The following ANO4 variants were observed in gnomAD, a reference collection of about 807,000 sequenced individuals.
The protein encoded by ANO4 is anoctamin-4.
In ANO4, 69 loss-of-function variants were observed where a neutral mutation model predicts 141.9. The ratio of observed to expected loss-of-function variants is 0.49; its 90% confidence interval spans 0.40 to 0.59. The LOEUF (loss-of-function observed/expected upper bound fraction) is 0.59. Ranked by LOEUF, ANO4 falls within the 20% of genes least tolerant of loss-of-function variation. The pLI, the probability that ANO4 is intolerant of heterozygous loss-of-function variation, is 0.00. For missense variants in ANO4, 894 were observed against 1,162.2 expected, an observed-to-expected ratio of 0.77 and a Z score of 3.36; for synonymous variants, 350 against 394.3, an observed-to-expected ratio of 0.89 and a Z score of 1.33.
Position 101,031,919 on chromosome 12 carries a change from A to G in ANO4, c.842-5176A>G, listed in dbSNP as rs568831583. On this transcript the variant is annotated intron_variant, in intron 9 of 27. Transcript: ENST00000392977. ...CAAGGATAACTACAAACCACTGCTC[A>G]AGGAAATCAGAGAGGACACAAACAA... Among the ~76,000 whole-genome samples, 40 of 152,346 alleles carry G rather than the reference A, an allele frequency of 2.6e-4. No homozygotes were observed. The East Asian group carries it at 6.2e-3, about 23-fold the overall frequency.
At chr12:100,802,325 A>C (rs527646455) in intron 1 of ANO4, among the ~76,000 whole-genome samples, 1 of 152,316 alleles carries the variant, frequency 6.6e-6, no homozygotes, top group South Asian at 2.1e-4. Flanking sequence ...GGCTTGGAAA[A>C]TTCTGTCTGT....
chr12:100,764,129 C>T (rs1485594720), intron 3 of ANO4, among the ~76,000 whole-genome samples: 1 of 152,194 alleles, frequency 6.6e-6, no homozygotes. Flanking sequence ...TGAATATCTT[C>T]TGCTATTGTC....
In ANO4 at chr12:101,116,713, G is replaced by T; in HGVS notation, c.2485G>T (p.Val829Leu). The change falls in exon 25 of 28, where the codon GTA (valine) becomes TTA (leucine). Residue 829 changes from valine (V) to leucine (L), a missense_variant. By Grantham distance (32) the Val-to-Leu change is conservative. Transcript: ENST00000392977. ...TGGCTATGTGAATGCCAGCTTGTCT[G>T]TATTTCGAATTTCTGACTTTGAGAA... ...MVGYVNASLS[V>L]FRISDFENRS... The T allele has an allele frequency of 6.2e-7, 1 of 1,614,134 alleles. No individual in the cohort carries two copies. The highest frequency in any genetic ancestry group is 8.5e-7 in the Non-Finnish European group (1 of 1,180,030).
intron 1 of ANO4, among the ~76,000 whole-genome samples, chr12:100,842,835 A>G (rs931947620): frequency 1.3e-5 from 2 of 152,112 alleles, no homozygotes; most frequent in Non-Finnish European, 2.9e-5. Flanking sequence ...CCATGGCTTA[A>G]CCACCTCCTA....
intron 8 of ANO4, among the ~76,000 whole-genome samples, chr12:100,990,316 A>G (rs1011413269): frequency 1.3e-5 from 2 of 152,162 alleles, no homozygotes; most frequent in Non-Finnish European, 2.9e-5. Context: ...TGCTGTTTAT[A>G]TTCTACAGTG....
chr12:100,961,788 T>G (rs2136237151), intron 5 of ANO4, among the ~76,000 whole-genome samples: 1 of 152,296 alleles, frequency 6.6e-6, no homozygotes, highest in African/African-American at 2.4e-5. Flanking sequence ...TAGTTATATT[T>G]TAAGTGTTTA....
At chr12:101,080,543 G>T (rs1668246290) in intron 15 of ANO4, among the ~76,000 whole-genome samples, 1 of 151,976 alleles carries the variant, frequency 6.6e-6, no homozygotes, top group Admixed American at 6.6e-5. Context: ...CCAAGGAAGG[G>T]GTACCACTTC....
chr12:100,850,892 G>A lies in ANO4; in HGVS notation c.-140-50754G>A, dbSNP rs751337499. Reference sequence around the variant, plus strand: ...TATATGAAAATTACATATTTTTTCAGGTTAAAAATTATTTTAAATGATTTT... The same window carrying A: ...TATATGAAAATTACATATTTTTTCAAGTTAAAAATTATTTTAAATGATTTT... On this transcript the variant is annotated intron_variant, in intron 1 of 27. Coordinates refer to ENST00000392977, the MANE Select transcript of ANO4 (RefSeq NM_001286615.2). 1.5e-3 allele frequency among the ~76,000 whole-genome samples: 229 copies of A among 151,748 alleles called. 3 individuals carry two copies. Among genetic ancestry groups the A allele is most frequent in the East Asian group, 2.7e-3 (14 of 5,156 alleles).
intron 1 of ANO4, among the ~76,000 whole-genome samples, chr12:100,894,932 C>G (rs1292812105): frequency 6.8e-6 from 1 of 147,592 alleles, no homozygotes; most frequent in East Asian, 2.0e-4. Context: ...CGCCACTGCA[C>G]TCCAGCCTGG....
At chr12:100,723,470 G>A (rs1356756897) in intron 1 of ANO4, among the ~76,000 whole-genome samples, 1 of 152,044 alleles carries the variant, frequency 6.6e-6, no homozygotes, top group East Asian at 1.9e-4. Flanking sequence ...TCTCTTATAA[G>A]GGAACTAATC....
chr12:101,057,396 T>G (rs2048168005), intron 14 of ANO4, among the ~76,000 whole-genome samples: 1 of 152,184 alleles, frequency 6.6e-6, no homozygotes. Context: ...GGTCAAATGG[T>G]ATTTCTGGTT....
At chr12:100,802,788 A>G (rs969705166) in intron 1 of ANO4, among the ~76,000 whole-genome samples, 2 of 152,120 alleles carry the variant, frequency 1.3e-5, no homozygotes, top group African/African-American at 2.4e-5. Flanking sequence ...CTATGGAGGG[A>G]AAAAAAATGA....
At chr12:100,923,766 A>G (rs532585615) in intron 3 of ANO4, among the ~76,000 whole-genome samples, 7 of 152,208 alleles carry the variant, frequency 4.6e-5, no homozygotes, top group African/African-American at 1.7e-4. Context: ...GTGTAAAAGC[A>G]TTCCTATTTC....
chr12:100,819,951 G>T (rs567634795), intron 1 of ANO4, among the ~76,000 whole-genome samples: 1 of 151,954 alleles, frequency 6.6e-6, no homozygotes, highest in South Asian at 2.1e-4. Context: ...AGTTGTTGGG[G>T]CCGTGTCTTA....
intron 1 of ANO4, among the ~76,000 whole-genome samples, chr12:100,814,085 T>G (rs1593403350): frequency 6.6e-6 from 1 of 152,162 alleles, no homozygotes; most frequent in Non-Finnish European, 1.5e-5. Flanking sequence ...TACTTTAATA[T>G]AAGTCTAACA....
At chr12:100,831,889 A>AT (rs1438476984) in intron 1 of ANO4, among the ~76,000 whole-genome samples, 3 of 151,944 alleles carry the variant, frequency 2.0e-5, no homozygotes, top group South Asian at 4.1e-4. Flanking sequence ...GACTCTTCTG[A>AT]TTTTTTTCCT....
chr12:100,894,627 C>T (rs1366136924), intron 1 of ANO4, among the ~76,000 whole-genome samples: 2 of 152,076 alleles, frequency 1.3e-5, no homozygotes, highest in Non-Finnish European at 2.9e-5. Context: ...TTTTTCCTCC[C>T]TTGGATGTGG....
chr12:100,765,863 G>GTT (rs552767520), intron 3 of ANO4, among the ~76,000 whole-genome samples: 2 of 145,490 alleles, frequency 1.4e-5, no homozygotes, highest in Non-Finnish European at 1.5e-5. Context: ...ACCTCAACTA[G>GTT]TTTTTTTTTT....
intron 3 of ANO4, among the ~76,000 whole-genome samples, chr12:100,765,906 A>G (rs1382795898): frequency 6.6e-6 from 1 of 151,514 alleles, no homozygotes; most frequent in Non-Finnish European, 1.5e-5. Flanking sequence ...CTATTTTAGC[A>G]GTTTTGAAAT....
Sources: gnomAD v4.1 joint callset for allele counts (sites outside exome capture counted in the v4.1 genomes callset) on GRCh38, gnomAD v4.1.1 for gene constraint, MANE v1.5 for transcripts, NCBI Gene and HGNC (gene_info 2026-07-23, HGNC 2026-07-21) for gene names.